The following CDH6 variants were observed in gnomAD, a reference collection of about 807,000 sequenced individuals.
CDH6 encodes the protein cadherin 6, also known as cadherin-6.
CDH6 carries 31 observed loss-of-function variants against 78.0 expected under a neutral mutation model. The observed-to-expected ratio is 0.40, with a 90% CI of 0.30 to 0.54. The LOEUF is 0.54. Among genes scored for constraint, CDH6 ranks in the 20% least tolerant of loss-of-function variants. CDH6 has a pLI of 0.56. For synonymous variants in CDH6, 376 were observed against 368.8 expected (o/e 1.02, Z -0.23); for missense variants, 724 against 975.9 (o/e 0.74, Z 3.44).
At chr5:31,214,683 C>T (rs1171723982) in intron 1 of CDH6, among the ~76,000 whole-genome samples, 2 of 152,116 alleles carry the variant, frequency 1.3e-5, no homozygotes, top group Non-Finnish European at 2.9e-5. Context: ...TAAATTTTGA[C>T]CTGAAATTAA....
At chr5:31,209,642 T>G (rs1171248313) in intron 1 of CDH6, among the ~76,000 whole-genome samples, 1 of 152,160 alleles carries the variant, frequency 6.6e-6, no homozygotes, top group African/African-American at 2.4e-5. Flanking sequence ...ATTGGGACAC[T>G]TTGGACTATG....
intron 2 of CDH6, among the ~76,000 whole-genome samples, chr5:31,269,610 C>G (rs926072037): frequency 6.8e-6 from 1 of 146,208 alleles, no homozygotes; most frequent in African/African-American, 2.5e-5. Flanking sequence ...GTAAAAAATC[C>G]GTTGTATATG....
chr5:31,305,565 C>T, intron 7 of CDH6, 138 bp downstream of exon 7: 1 of 845,376 alleles, frequency 1.2e-6, no homozygotes, highest in East Asian at 2.6e-5. Flanking sequence ...CTATTCTAAA[C>T]AGCACCTTTA....
rs756557139 is a variant in CDH6 at position 31,315,752 on chromosome 5, G to T, written c.1391-456G>T. 3.9e-5 allele frequency among the ~76,000 whole-genome samples: 6 copies of T among 152,174 alleles called. No individual in the cohort carries two copies. The East Asian group carries it at 1.2e-3, about 29-fold the overall frequency. ...CAGAAGTTTGTGAAAATTAAATAAC[G>T]TAATACAGCAAAGTGTTTAGCATGA... is the stretch of plus-strand genomic sequence containing the variant. On this transcript the variant is annotated intron_variant, in intron 8 of 11. Transcript: ENST00000265071.
intron 1 of CDH6, among the ~76,000 whole-genome samples, chr5:31,259,503 C>T (rs1404255716): frequency 2.0e-5 from 3 of 152,064 alleles, no homozygotes; most frequent in Non-Finnish European, 2.9e-5. Context: ...TAACATCTCC[C>T]GGTCTTGTTT....
chr5:31,251,163 C>T (rs2149924648), intron 1 of CDH6: 1 of 152,360 alleles, frequency 6.6e-6, no homozygotes, highest in Non-Finnish European at 1.5e-5. Context: ...GCACCAAACA[C>T]TTAGAAACCC....
At chr5:31,210,075 A>AT (rs1252660187) in intron 1 of CDH6, among the ~76,000 whole-genome samples, 1 of 60,630 alleles carries the variant, frequency 1.6e-5, no homozygotes, top group Non-Finnish European at 3.2e-5. Context: ...CTTTTCTTAA[A>AT]TTGTGTGTGT....
chr5:31,300,186 GGAA>G (rs1737728331), intron 5 of CDH6, among the ~76,000 whole-genome samples: 1 of 152,250 alleles, frequency 6.6e-6, no homozygotes, highest in East Asian at 1.9e-4. Context: ...TTAGATAAAA[GGAA>G]GAAGAAGGAA....
At chr5:31,300,582 A>C (rs2330699) in intron 5 of CDH6, among the ~76,000 whole-genome samples, 68,945 of 152,064 alleles carry the variant, frequency 0.45, 17,459 homozygotes, top group East Asian at 0.57. Context: ...CATTTCCCTT[A>C]CAGAGGCCTG....
chr5:31,269,284 G>T (rs1274520830), intron 2 of CDH6, among the ~76,000 whole-genome samples: 1 of 109,182 alleles, frequency 9.2e-6, no homozygotes, highest in Admixed American at 1.0e-4. Flanking sequence ...AAAAAAAAGC[G>T]GGGGGGGCAG....
chr5:31,280,735 G>C (rs1002013162), intron 2 of CDH6, among the ~76,000 whole-genome samples: 1 of 151,906 alleles, frequency 6.6e-6, no homozygotes, highest in Non-Finnish European at 1.5e-5. Context: ...TGTTTCAGTT[G>C]GTTTCTTTAA....
rs72457836 is a variant in CDH6, at chr5:31,212,762, G to GCACACA, written c.-129+18895_-129+18900dup. ...AAACTCATGGTGTTCACATGAACGT[G>GCACACA]CACACACACACACACACACACACAG... is the stretch of plus-strand genomic sequence containing the variant. On this transcript the variant is annotated intron_variant, in intron 1 of 11. Transcript: ENST00000265071. Among the ~76,000 whole-genome samples, 1,098 of 148,254 alleles carry GCACACA rather than the reference G, an allele frequency of 7.4e-3. 16 individuals carry two copies. The highest frequency in any genetic ancestry group is 0.026 in the African/African-American group (1,044 of 40,348).
intron 7 of CDH6, among the ~76,000 whole-genome samples, chr5:31,308,432 G>GA (rs11362502): frequency 6.0e-4 from 85 of 141,314 alleles, no homozygotes; most frequent in African/African-American, 1.6e-3. Context: ...ATGAAGTCCT[G>GA]AAAAAAAAAA....
At chr5:31,199,504 G>GTA (rs1380229852) in intron 1 of CDH6, among the ~76,000 whole-genome samples, 2 of 93,762 alleles carry the variant, frequency 2.1e-5, no homozygotes, top group Non-Finnish European at 4.8e-5. Flanking sequence ...ACACATATGT[G>GTA]TATATATATG....
At chr5:31,207,786 T>C (rs1404224854) in intron 1 of CDH6, among the ~76,000 whole-genome samples, 1 of 152,198 alleles carries the variant, frequency 6.6e-6, no homozygotes, top group African/African-American at 2.4e-5. Flanking sequence ...AATAATTTGA[T>C]TTCTTTGGAT....
At chr5:31,200,563 T>TACATACACACACACACAC (rs1740321539) in intron 1 of CDH6, among the ~76,000 whole-genome samples, 3 of 128,764 alleles carry the variant, frequency 2.3e-5, no homozygotes, top group Non-Finnish European at 4.9e-5. Context: ...ATTTCACACA[T>TACATACACACACACACAC]ACATACACAC....
In CDH6 at chr5:31,267,537, A is replaced by G; in HGVS notation, c.64A>G (p.Thr22Ala). 6.2e-7 allele frequency: 1 copy of G among 1,613,832 alleles called. No individual in the cohort carries two copies. Among genetic ancestry groups the G allele is most frequent in the Non-Finnish European group, 8.5e-7 (1 of 1,179,968 alleles). ...WVGQPYPTLS[T>A]PLSKRTSGFP... The stretch of plus-strand genomic sequence containing the variant: ...GGGCCAGCCCTACCCAACTCTCTCA[A>G]CTCCACTATCAAAGAGGACTAGTGG... Residue 22 changes from threonine to alanine, a missense_variant, in exon 2 of 12, where the codon ACT becomes GCT. Physicochemically the swap from Thr to Ala is moderately conservative, Grantham distance 58 (BLOSUM62 0). Coordinates refer to ENST00000265071, the MANE Select transcript of CDH6 (RefSeq NM_004932.4).
chr5:31,313,277 T>G (rs752985511), intron 7 of CDH6, 41 bp from the exon 8 acceptor site: 34 of 1,557,060 alleles, frequency 2.2e-5, no homozygotes, highest in Non-Finnish European at 2.9e-5. Flanking sequence ...GAATAGGAAA[T>G]AGAAAGAAAA....
chr5:31,300,395 A>G (rs1017936625), intron 5 of CDH6, among the ~76,000 whole-genome samples: 2 of 152,244 alleles, frequency 1.3e-5, no homozygotes, highest in African/African-American at 4.8e-5. Flanking sequence ...TTTTAAAAAA[A>G]CTAATCAGCT....
Sources: gnomAD v4.1 joint callset for allele counts (sites outside exome capture counted in the v4.1 genomes callset) on GRCh38, gnomAD v4.1.1 for gene constraint, MANE v1.5 for transcripts, NCBI Gene and HGNC (gene_info 2026-07-23, HGNC 2026-07-21) for gene names.